Variants in KIAA1671 observed in about 807,000 individuals in gnomAD.
The protein encoded by KIAA1671 is uncharacterized protein KIAA1671.
Under a neutral mutation model 131.2 loss-of-function variants are expected in KIAA1671, and 52 were observed. The ratio of observed to expected loss-of-function variants is 0.40; its 90% CI spans 0.32 to 0.50. The LOEUF (loss-of-function observed/expected upper bound fraction) is 0.50. Ranked by LOEUF, KIAA1671 falls within the 20% of genes least tolerant of loss-of-function variation. The pLI, the probability that KIAA1671 is intolerant of heterozygous loss-of-function variation, is 0.73. For missense variants in KIAA1671, 2,360 were observed against 2,364.2 expected (o/e 1.00, Z 0.04); for synonymous variants, 1,003 against 961.6 (o/e 1.04, Z -0.80).
chr22:25,135,813 G>A (rs1404255100), intron 6 of KIAA1671, among the ~76,000 whole-genome samples: 8 of 152,194 alleles, frequency 5.3e-5, no homozygotes, highest in South Asian at 4.1e-4. Context: ...CAGCAGCCAC[G>A]TCACGACAGC....
intron 6 of KIAA1671, among the ~76,000 whole-genome samples, chr22:25,110,587 T>G (rs1232663751): frequency 6.6e-6 from 1 of 152,184 alleles, no homozygotes; most frequent in Non-Finnish European, 1.5e-5. Context: ...AGAAACCTCC[T>G]TTAACAGGTG....
At chr22:25,068,120 G>A (rs980989914) in intron 6 of KIAA1671, among the ~76,000 whole-genome samples, 2 of 152,264 alleles carry the variant, frequency 1.3e-5, no homozygotes, top group African/African-American at 4.8e-5. Flanking sequence ...GAGCAGGGCT[G>A]GCTTTTCAGC....
At chr22:25,013,015 C>G (rs1249563388) in intron 1 of KIAA1671, 1 of 152,202 alleles carries the variant, frequency 6.6e-6, no homozygotes, top group African/African-American at 2.4e-5. Flanking sequence ...GGAAGGGGAA[C>G]TGAGAGTGGA....
At chr22:25,179,727 C>T (rs1259478797) in intron 9 of KIAA1671, among the ~76,000 whole-genome samples, 1 of 152,216 alleles carries the variant, frequency 6.6e-6, no homozygotes, top group African/African-American at 2.4e-5. Context: ...GAGACAGAGA[C>T]ATAGCTTAAT....
intron 1 of KIAA1671, among the ~76,000 whole-genome samples, chr22:25,015,334 G>A (rs1925251951): frequency 6.6e-6 from 1 of 151,972 alleles, no homozygotes; most frequent in East Asian, 1.9e-4. Flanking sequence ...AAACCAGGCA[G>A]TGGGCTAGTT....
intron 3 of KIAA1671, among the ~76,000 whole-genome samples, chr22:25,030,544 A>G (rs1027805393): frequency 6.6e-6 from 1 of 151,976 alleles, no homozygotes; most frequent in Non-Finnish European, 1.5e-5. Context: ...CAAAAAAAAA[A>G]CACCAAAAAA....
At chr22:25,072,469 C>T (rs1256440291) in intron 6 of KIAA1671, among the ~76,000 whole-genome samples, 1 of 152,134 alleles carries the variant, frequency 6.6e-6, no homozygotes, top group Non-Finnish European at 1.5e-5. Flanking sequence ...GCCACATAGG[C>T]CCACCGCTGG....
At chr22:24,999,597 CTG>C (rs919943032) in intron 1 of KIAA1671, among the ~76,000 whole-genome samples, 1 of 149,928 alleles carries the variant, frequency 6.7e-6, no homozygotes, top group African/African-American at 2.5e-5. Flanking sequence ...GAGTCTCACT[CTG>C]TTGCCTAGGC....
In KIAA1671 at chr22:25,027,402, A is replaced by G. The variant is rs1005646607; in HGVS notation, c.-55-543A>G. ...GCCTTCTCTGTGCTAGATGCTTAGC[A>G]CACACTTGTGATTAGGATCACCTGG... On this transcript the variant is annotated intron_variant, in intron 2 of 12. Coordinates refer to ENST00000358431, the MANE Select transcript of KIAA1671 (RefSeq NM_001145206.2). Among the ~76,000 whole-genome samples the G allele has an allele frequency of 2.0e-5, 3 of 152,148 alleles. No homozygotes were observed. The East Asian group carries it at 5.8e-4, about 29-fold the overall frequency.
At chr22:25,120,232 C>T (rs1454735428) in intron 6 of KIAA1671, among the ~76,000 whole-genome samples, 2 of 152,320 alleles carry the variant, frequency 1.3e-5, no homozygotes, top group East Asian at 3.9e-4. Flanking sequence ...TCTCGGGCTG[C>T]ACCTTGGGGT....
chr22:25,097,736 TA>T lies in KIAA1671; in HGVS notation c.4530+48385del, dbSNP rs11430695. ...GCCTGGGCAACAGTGCGAGACTCCA[TA>T]AAAAAAAAAAAATCGTAAAATAAAC... On this transcript the variant is annotated intron_variant, in intron 6 of 12. Transcript: ENST00000358431. Among the ~76,000 whole-genome samples the T allele has an allele frequency of 2.6e-3, 375 of 142,664 alleles. 6 individuals carry two copies. The South Asian group carries it at 0.035, about 13-fold the overall frequency. 93.6% of individuals were successfully genotyped at this position (142,664 alleles called of 152,430 possible).
In KIAA1671 at chr22:25,028,121, G is replaced by T; in HGVS notation, c.122G>T (p.Gly41Val). The T allele has an allele frequency of 1.3e-6, 2 of 1,551,288 alleles. No individual in the cohort carries two copies. The highest frequency in any genetic ancestry group is 2.4e-5 in the South Asian group (2 of 84,012). The change falls in exon 3 of 13, where the codon GGG becomes GTG. Residue 41 changes from glycine to valine, a missense_variant. Coordinates refer to ENST00000358431, the MANE Select transcript of KIAA1671 (RefSeq NM_001145206.2). ...TTCCTCCAGGCCGGCGAAGCCTCTG[G>T]GGCTCCCCCAGCCCGGATCTTGGAA... is the stretch of plus-strand genomic sequence containing the variant. ...TYFLQAGEAS[G>V]APPARILEAK...
At chr22:25,117,939 G>A (rs1298494449) in intron 6 of KIAA1671, among the ~76,000 whole-genome samples, 1 of 151,988 alleles carries the variant, frequency 6.6e-6, no homozygotes, top group African/African-American at 2.4e-5. Flanking sequence ...GGGAGTTCAA[G>A]ACCAGCTTGA....
intron 5 of KIAA1671, among the ~76,000 whole-genome samples, chr22:25,042,522 AATG>A (rs1926994233): frequency 1.4e-5 from 2 of 141,988 alleles, no homozygotes. Context: ...GCTGGAATAC[AATG>A]GTGTGATCTT....
At chr22:24,998,717 CAA>C (rs34109303) in intron 1 of KIAA1671, among the ~76,000 whole-genome samples, 7 of 76,138 alleles carry the variant, frequency 9.2e-5, no homozygotes, top group African/African-American at 9.8e-5. Context: ...GACTCTGTCT[CAA>C]AAAAAAAAAA....
At chr22:25,188,832 A>G (rs935843799) in intron 11 of KIAA1671, among the ~76,000 whole-genome samples, 1 of 152,136 alleles carries the variant, frequency 6.6e-6, no homozygotes, top group Admixed American at 6.5e-5. Context: ...GTGGAAGAGG[A>G]GGGATTGGTC....
chr22:24,985,464 C>T (rs1004536772), intron 1 of KIAA1671, among the ~76,000 whole-genome samples: 4 of 152,004 alleles, frequency 2.6e-5, no homozygotes, highest in Admixed American at 2.0e-4. Context: ...CTCAGCCTCC[C>T]GAGTAGCTGG....
At chr22:25,139,125 A>T (rs575066969) in intron 6 of KIAA1671, among the ~76,000 whole-genome samples, 1 of 152,350 alleles carries the variant, frequency 6.6e-6, no homozygotes, top group African/African-American at 2.4e-5. Flanking sequence ...ATCTGTGCTC[A>T]TCTTTTCTCA....
chr22:25,125,671 G>A (rs1235402878), intron 6 of KIAA1671, among the ~76,000 whole-genome samples: 1 of 152,220 alleles, frequency 6.6e-6, no homozygotes, highest in East Asian at 1.9e-4. Flanking sequence ...CTAGATGCCT[G>A]CACCATCCTT....
Sources: allele counts gnomAD v4.1 joint callset (sites outside exome capture counted in the v4.1 genomes callset), GRCh38; gene constraint gnomAD v4.1.1; transcripts MANE v1.5; gene names NCBI Gene and HGNC (gene_info 2026-07-23, HGNC 2026-07-21).